The following GRIN2A variants were observed in gnomAD, a reference collection of about 807,000 sequenced individuals.
GRIN2A encodes the protein glutamate receptor ionotropic, NMDA 2A.
A neutral mutation model predicts 113.4 loss-of-function variants in GRIN2A; 22 were observed. The ratio of observed to expected loss-of-function variants is 0.19; its 90% CI spans 0.14 to 0.28. The LOEUF is 0.28. GRIN2A is among the 10% of genes least tolerant of loss of function. The pLI is 1.00. For missense variants in GRIN2A, 1,502 were observed against 1,887.0 expected (o/e 0.80, Z 3.78); for synonymous variants, 827 against 738.4 (o/e 1.12, Z -1.94).
intron 4 of GRIN2A, among the ~76,000 whole-genome samples, chr16:9,856,469 C>A (rs927475857): frequency 6.6e-6 from 1 of 150,788 alleles, no homozygotes; most frequent in African/African-American, 2.4e-5. Flanking sequence ...AAAAAAAATA[C>A]AAAAAATTTG....
chr16:9,839,311 G>T (rs574157813), intron 7 of GRIN2A, among the ~76,000 whole-genome samples: 1 of 151,118 alleles, frequency 6.6e-6, no homozygotes, highest in African/African-American at 2.4e-5. Context: ...CTCTAGCCAG[G>T]CTACCCAATA....
At chr16:10,111,391 C>A (rs1241690074) in intron 2 of GRIN2A, 12 of 490,384 alleles carry the variant, frequency 2.4e-5, no homozygotes, top group Non-Finnish European at 4.1e-5. Flanking sequence ...CATGGCGAAC[C>A]ATCTGATCAG....
At chr16:10,182,725 C>T (rs2050293826), upstream of GRIN2A, 2 of 152,522 alleles carry the variant, frequency 1.3e-5, no homozygotes, top group Admixed American at 1.3e-4. Context: ...GCTGCGGCCG[C>T]GATTCTCAGC....
At chr16:9,841,682 T>C (rs2042682242) in intron 5 of GRIN2A, among the ~76,000 whole-genome samples, 1 of 152,174 alleles carries the variant, frequency 6.6e-6, no homozygotes, top group Non-Finnish European at 1.5e-5. Flanking sequence ...ATGCCTGATT[T>C]TGTGCACTGA....
chr16:10,178,830 T>C (rs766627311), intron 2 of GRIN2A, among the ~76,000 whole-genome samples: 3 of 152,214 alleles, frequency 2.0e-5, no homozygotes, highest in Admixed American at 6.5e-5. Context: ...ACAGTGAATG[T>C]CTGCTCACTC....
intron 2 of GRIN2A, among the ~76,000 whole-genome samples, chr16:10,094,677 T>C (rs57358856): frequency 0.046 from 6,966 of 152,104 alleles, 278 homozygotes; most frequent in African/African-American, 0.11. Flanking sequence ...CTCAAACTCC[T>C]TACCTCCAGT....
At chr16:9,999,889 G>C (rs1337925727) in intron 2 of GRIN2A, among the ~76,000 whole-genome samples, 1 of 152,236 alleles carries the variant, frequency 6.6e-6, no homozygotes, top group East Asian at 1.9e-4. Flanking sequence ...CTGCAATTCT[G>C]AGGTCATAAA....
intron 2 of GRIN2A, among the ~76,000 whole-genome samples, chr16:10,052,380 G>T (rs1448273): frequency 0.15 from 23,433 of 152,238 alleles, 2,508 homozygotes; most frequent in East Asian, 0.5. Context: ...GTTTGAACTT[G>T]GGCAGCTACA....
intron 2 of GRIN2A, among the ~76,000 whole-genome samples, chr16:10,146,918 C>G (rs1428358712): frequency 2.0e-5 from 3 of 151,974 alleles, no homozygotes; most frequent in African/African-American, 2.4e-5. Flanking sequence ...TGTAGCCACC[C>G]TCTTGCTACT....
intron 3 of GRIN2A, among the ~76,000 whole-genome samples, chr16:9,914,580 C>T (rs574579652): frequency 6.6e-6 from 1 of 152,288 alleles, no homozygotes; most frequent in Admixed American, 6.5e-5. Context: ...ATCTTCAACG[C>T]ATACGCATTT....
At chr16:10,048,585 G>A (rs896084235) in intron 2 of GRIN2A, among the ~76,000 whole-genome samples, 2 of 152,126 alleles carry the variant, frequency 1.3e-5, no homozygotes, top group African/African-American at 4.8e-5. Flanking sequence ...GTCTGCATTT[G>A]CTCAATAATC....
intron 4 of GRIN2A, among the ~76,000 whole-genome samples, chr16:9,867,136 C>A (rs936874930): frequency 2.0e-5 from 3 of 152,082 alleles, no homozygotes; most frequent in Non-Finnish European, 4.4e-5. Context: ...CCTATCACAC[C>A]CACCTGGCAG....
rs537990470 is a variant in GRIN2A, at chr16:10,123,272, C to T, written c.414+56726G>A. Among the ~76,000 whole-genome samples, 21 of 152,262 alleles carry T rather than the reference C, an allele frequency of 1.4e-4. 1 individual carries two copies. The highest frequency in any genetic ancestry group is 4.8e-4 in the African/African-American group (20 of 41,552). ...TAGGGACACTCCAGCAACCCTGGCTCGGGGCTCCCTGCGTACTTAGATGTA... is the reference window on the plus strand; with the variant it reads ...TAGGGACACTCCAGCAACCCTGGCTTGGGGCTCCCTGCGTACTTAGATGTA... On this transcript the variant is annotated intron_variant, in intron 2 of 12. Transcript: ENST00000330684.
At chr16:10,133,202 A>G (rs1182822639) in intron 2 of GRIN2A, among the ~76,000 whole-genome samples, 1 of 152,258 alleles carries the variant, frequency 6.6e-6, no homozygotes, top group Non-Finnish European at 1.5e-5. Flanking sequence ...TAGAAGGTGA[A>G]CATCTTTGAG....
intron 11 of GRIN2A, among the ~76,000 whole-genome samples, chr16:9,787,079 G>A (rs117502580): frequency 0.021 from 3,264 of 152,208 alleles, 44 homozygotes; most frequent in Non-Finnish European, 0.033. Flanking sequence ...TTTCTTTGCC[G>A]TATTTTTAAA....
chr16:9,763,914 G>T lies in GRIN2A; in HGVS notation c.3630C>A (p.Asn1210Lys). 6.2e-7 allele frequency: 1 copy of T among 1,614,150 alleles called. No homozygotes were observed. Among genetic ancestry groups the T allele is most frequent in the Non-Finnish European group, 8.5e-7 (1 of 1,180,022 alleles). The change falls in exon 13 of 13, where the codon AAC (asparagine) becomes AAA (lysine). Residue 1210 changes from asparagine (N) to lysine (K), a missense_variant. By Grantham distance (94) the Asn-to-Lys change is moderately conservative. This residue lies in a region of GRIN2A where 832 missense variants were observed against 789.7 expected (regional missense o/e 1.05). Transcript: ENST00000330684. The part of the protein sequence containing the change: ...HSETSERYRQ[N>K]STHCRSCLSN... ...AAAGGCAGCTTCTGCAGTGCGTGGAGTTCTGCCGGTATCGCTCGCTGGTCT... is the reference window on the plus strand; with the variant it reads ...AAAGGCAGCTTCTGCAGTGCGTGGATTTCTGCCGGTATCGCTCGCTGGTCT...
intron 3 of GRIN2A, among the ~76,000 whole-genome samples, chr16:9,934,772 C>G (rs935798218): frequency 6.7e-6 from 1 of 148,538 alleles, no homozygotes; most frequent in Non-Finnish European, 1.5e-5. Flanking sequence ...AGCTCCCTGT[C>G]AAGGGCAGCC....
intron 10 of GRIN2A, among the ~76,000 whole-genome samples, chr16:9,806,857 C>G (rs1426289570): frequency 6.6e-6 from 1 of 151,926 alleles, no homozygotes; most frequent in Non-Finnish European, 1.5e-5. Context: ...TGTGCCCACC[C>G]AAATCTCATC....
intron 5 of GRIN2A, among the ~76,000 whole-genome samples, chr16:9,841,477 A>G (rs569642567): frequency 2.0e-5 from 3 of 152,340 alleles, no homozygotes; most frequent in African/African-American, 2.4e-5. Flanking sequence ...ACAACTTTAG[A>G]CTAGAGTTTA....
Sources: gnomAD v4.1 joint callset for allele counts (sites outside exome capture counted in the v4.1 genomes callset) on GRCh38, gnomAD v4.1.1 for gene constraint, gnomAD v4.1.1 regional missense constraint, MANE v1.5 for transcripts, NCBI Gene and HGNC (gene_info 2026-07-23, HGNC 2026-07-21) for gene names.